The following SMAP1 variants were observed in gnomAD, a reference collection of about 807,000 sequenced individuals.
SMAP1 encodes the protein stromal membrane-associated protein 1.
A neutral mutation model predicts 58.5 loss-of-function variants in SMAP1; 24 were observed. The ratio of observed to expected loss-of-function variants is 0.41; its 90% CI spans 0.30 to 0.58. The LOEUF is 0.58. Among genes scored for constraint, SMAP1 ranks in the 20% least tolerant of loss-of-function variants. SMAP1 has a pLI of 0.29. For synonymous variants in SMAP1, 216 were observed against 196.6 expected (o/e 1.10, Z -0.82); for missense variants, 563 against 566.3 (o/e 0.99, Z 0.06).
rs1479328884 is a variant in SMAP1, at chr6:70,856,929, A to G, written c.860A>G (p.Glu287Gly). The change falls in exon 9 of 11, where the codon GAG becomes GGG. Residue 287 changes from glutamate to glycine, a missense_variant. Physicochemically the swap from Glu to Gly is moderately conservative, Grantham distance 98. Transcript: ENST00000370455. ...VTSGDLDLFT[E>G]QTTKSEEVAK... ...TCTGGGGATCTAGATTTATTCACTG[A>G]GCAAACTACAAAATCAGAAGAAGTG... 3 of 1,613,912 alleles carry G rather than the reference A, an allele frequency of 1.9e-6. No individual in the cohort carries two copies. The African/African-American group carries it at 4.0e-5, about 22-fold the overall frequency.
chr6:70,674,514 A>G (rs935013871), intron 1 of SMAP1, among the ~76,000 whole-genome samples: 1 of 152,230 alleles, frequency 6.6e-6, no homozygotes, highest in Admixed American at 6.5e-5. Flanking sequence ...AGAAGATCAA[A>G]GAAACTTGGA....
intron 1 of SMAP1, among the ~76,000 whole-genome samples, chr6:70,679,311 G>A (rs573049325): frequency 2.6e-5 from 4 of 152,250 alleles, no homozygotes; most frequent in South Asian, 2.1e-4. Context: ...GAGCCACCGC[G>A]CCTGGCCAGA....
chr6:70,716,195 C>T (rs997819798), intron 1 of SMAP1, among the ~76,000 whole-genome samples: 2 of 152,138 alleles, frequency 1.3e-5, no homozygotes, highest in African/African-American at 2.4e-5. Flanking sequence ...ATGTATTGTG[C>T]ACTTTATTTC....
chr6:70,691,872 T>G (rs1352752754), intron 1 of SMAP1, among the ~76,000 whole-genome samples: 1 of 152,216 alleles, frequency 6.6e-6, no homozygotes. Context: ...TGATGGACAC[T>G]TAGGTAGCTT....
At chr6:70,811,762 C>G (rs139968277) in intron 6 of SMAP1, among the ~76,000 whole-genome samples, 48 of 152,268 alleles carry the variant, frequency 3.2e-4, no homozygotes, top group African/African-American at 1.0e-3. Context: ...AGTACCCTGT[C>G]ATGGCAAATT....
At chr6:70,783,164 C>A (rs1767836494) in intron 4 of SMAP1, among the ~76,000 whole-genome samples, 1 of 152,212 alleles carries the variant, frequency 6.6e-6, no homozygotes, top group African/African-American at 2.4e-5. Flanking sequence ...TTTCCTGTAG[C>A]CACCGCTGCT....
chr6:70,851,132 A>G (rs548154442), intron 7 of SMAP1, among the ~76,000 whole-genome samples: 179 of 152,288 alleles, frequency 1.2e-3, no homozygotes, highest in African/African-American at 4.1e-3. Flanking sequence ...TATCACTGAA[A>G]ATGACTTGAA....
chr6:70,840,027 G>A lies in SMAP1; in HGVS notation c.664+2999G>A, dbSNP rs573311910. ...TCCAATGGGACCCTGGTTTTCCCCT[G>A]TAAATTGAAACACAGCGGGGATTGG... is the stretch of plus-strand genomic sequence containing the variant. On this transcript the variant is annotated intron_variant, in intron 7 of 10. Transcript: ENST00000370455. Among the ~76,000 whole-genome samples, 11 of 152,238 alleles carry A rather than the reference G, an allele frequency of 7.2e-5. No homozygotes were observed. The South Asian group carries it at 1.9e-3, about 26-fold the overall frequency.
At chr6:70,826,669 T>G (rs1047186712) in intron 6 of SMAP1, among the ~76,000 whole-genome samples, 2 of 152,034 alleles carry the variant, frequency 1.3e-5, no homozygotes, top group Admixed American at 1.3e-4. Flanking sequence ...GGTGGGAGGA[T>G]CACCTGAGCC....
chr6:70,845,002 G>C (rs776089805), intron 7 of SMAP1, among the ~76,000 whole-genome samples: 2 of 152,108 alleles, frequency 1.3e-5, no homozygotes, highest in African/African-American at 4.8e-5. Flanking sequence ...TTATGATGAC[G>C]CTTCACTAGT....
At chr6:70,846,041 T>C (rs1392355121) in intron 7 of SMAP1, among the ~76,000 whole-genome samples, 1 of 151,836 alleles carries the variant, frequency 6.6e-6, no homozygotes, top group Non-Finnish European at 1.5e-5. Context: ...GGCTGTGGAG[T>C]CTTCAAGGAG....
At chr6:70,707,850 G>A in intron 1 of SMAP1, among the ~76,000 whole-genome samples, 1 of 152,084 alleles carries the variant, frequency 6.6e-6, no homozygotes. Context: ...TTTATTGCAT[G>A]TATTTAAGCT....
intron 1 of SMAP1, among the ~76,000 whole-genome samples, chr6:70,704,738 C>T (rs756182761): frequency 9.9e-5 from 15 of 152,060 alleles, no homozygotes; most frequent in East Asian, 1.9e-4. Flanking sequence ...ATTAGTCAAC[C>T]GTATCCATTA....
At chr6:70,810,807 C>G (rs1296156601) in intron 6 of SMAP1, among the ~76,000 whole-genome samples, 2 of 152,164 alleles carry the variant, frequency 1.3e-5, no homozygotes, top group African/African-American at 4.8e-5. Flanking sequence ...GAACTCCTGG[C>G]CTCAAGTCAG....
intron 1 of SMAP1, among the ~76,000 whole-genome samples, chr6:70,724,600 A>G (rs1768683610): frequency 6.6e-6 from 1 of 152,240 alleles, no homozygotes; most frequent in South Asian, 2.1e-4. Flanking sequence ...GTATGTGGAA[A>G]CTTTCTTCTA....
chr6:70,675,910 G>A (rs1766464095), intron 1 of SMAP1, among the ~76,000 whole-genome samples: 1 of 152,210 alleles, frequency 6.6e-6, no homozygotes, highest in African/African-American at 2.4e-5. Context: ...TATGGTTTAT[G>A]TTGAATATCT....
At chr6:70,729,487 G>GTGTA (rs1765338173) in intron 1 of SMAP1, among the ~76,000 whole-genome samples, 1 of 150,864 alleles carries the variant, frequency 6.6e-6, no homozygotes. Flanking sequence ...GTGTGTGTGT[G>GTGTA]TGTGTGTATG....
chr6:70,773,421 CA>C lies in SMAP1; in HGVS notation c.413del (p.Asn138IlefsTer82). 6.5e-7 allele frequency: 1 copy of C among 1,534,840 alleles called. No individual in the cohort carries two copies. Among genetic ancestry groups the C allele is most frequent in the Non-Finnish European group, 8.9e-7 (1 of 1,120,154 alleles). Reference protein sequence around the residue: ...KYYDKNAIAITNISSSDAPLQ... With the variant: ...KYYDKNAIAIXNISSSDAPLQ... ...TACGATAAAAATGCCATAGCTATTA[CA>C]AATGTAAGTAAAACCTTCATCTCTC... is the stretch of plus-strand genomic sequence containing the variant. On this transcript the variant is annotated frameshift_variant, in exon 4 of 11. Coordinates refer to ENST00000370455, the MANE Select transcript of SMAP1 (RefSeq NM_001044305.3). LOFTEE classifies it high-confidence loss of function.
chr6:70,676,784 A>G (rs530009825), intron 1 of SMAP1, among the ~76,000 whole-genome samples: 3 of 151,960 alleles, frequency 2.0e-5, no homozygotes, highest in Admixed American at 6.5e-5. Flanking sequence ...TTATTTATTT[A>G]TTTTTTCCTT....
Sources: allele counts gnomAD v4.1 joint callset (sites outside exome capture counted in the v4.1 genomes callset), GRCh38; gene constraint gnomAD v4.1.1; transcripts MANE v1.5; gene names NCBI Gene and HGNC (gene_info 2026-07-23, HGNC 2026-07-21).